The following ELAVL2 variants were observed in gnomAD, a reference collection of about 807,000 sequenced individuals.
ELAVL2 encodes ELAV-like protein 2.
ELAVL2 carries 4 observed loss-of-function variants against 34.6 expected under a neutral mutation model. The ratio of observed to expected loss-of-function variants is 0.12; its 90% confidence interval spans 0.06 to 0.26. The LOEUF (loss-of-function observed/expected upper bound fraction) is 0.26, where lower values mean the gene tolerates loss of function less well. Among genes scored for constraint, ELAVL2 ranks in the 10% least tolerant of loss-of-function variants. ELAVL2 has a pLI of 1.00. For missense variants in ELAVL2, 432 were observed against 442.8 expected, an observed-to-expected ratio of 0.98 and a Z score of 0.22; for synonymous variants, 193 against 154.8, an observed-to-expected ratio of 1.25 and a Z score of -1.83.
At chr9:23,813,938 A>T (rs55774307) in intron 1 of ELAVL2, among the ~76,000 whole-genome samples, 21,205 of 152,184 alleles carry the variant, frequency 0.14, 1,868 homozygotes, top group Middle Eastern at 0.19. Context: ...CACCAAGGCC[A>T]GGCAAACAAA....
chr9:23,717,716 T>C (rs779287950), intron 3 of ELAVL2, among the ~76,000 whole-genome samples: 111 of 152,324 alleles, frequency 7.3e-4, no homozygotes, highest in African/African-American at 2.4e-3. Context: ...TTACTCATCA[T>C]ATATCCAAAT....
chr9:23,783,261 C>T (rs1016790323), intron 1 of ELAVL2, among the ~76,000 whole-genome samples: 5 of 152,106 alleles, frequency 3.3e-5, no homozygotes, highest in African/African-American at 1.2e-4. Flanking sequence ...TTAAAAACAG[C>T]CAAAGAGAAA....
At chr9:23,805,957 G>A (rs2062163549) in intron 1 of ELAVL2, among the ~76,000 whole-genome samples, 1 of 152,112 alleles carries the variant, frequency 6.6e-6, no homozygotes, top group African/African-American at 2.4e-5. Flanking sequence ...AAGCATCATT[G>A]TATATTTTTT....
chr9:23,811,125 C>T (rs1357427187), intron 1 of ELAVL2, among the ~76,000 whole-genome samples: 1 of 152,112 alleles, frequency 6.6e-6, no homozygotes, highest in African/African-American at 2.4e-5. Context: ...AACTATTATT[C>T]ACTCTAAAAC....
intron 1 of ELAVL2, among the ~76,000 whole-genome samples, chr9:23,806,969 C>T (rs1464577084): frequency 6.6e-6 from 1 of 152,210 alleles, no homozygotes; most frequent in East Asian, 1.9e-4. Context: ...TCAGTAGCTT[C>T]CTTCTGCACC....
At chr9:23,697,460 G>A (rs2132926035) in intron 5 of ELAVL2, among the ~76,000 whole-genome samples, 1 of 152,272 alleles carries the variant, frequency 6.6e-6, no homozygotes, top group East Asian at 1.9e-4. Context: ...TAATTAGCAA[G>A]ACATTTAATA....
chr9:23,844,645 A>G, the ELAVL2 span, among the ~76,000 whole-genome samples: 132 of 152,046 alleles, frequency 8.7e-4, no homozygotes, highest in Middle Eastern at 0.01. Context: ...AACACCTAAA[A>G]AGCTGAGTTC....
intron 2 of ELAVL2, among the ~76,000 whole-genome samples, chr9:23,736,724 A>G (rs1294441919): frequency 6.6e-6 from 1 of 152,130 alleles, no homozygotes; most frequent in Non-Finnish European, 1.5e-5. Context: ...CTGCTACACT[A>G]TCCTAATAGG....
intron 1 of ELAVL2, among the ~76,000 whole-genome samples, chr9:23,820,317 G>A (rs979379896): frequency 6.6e-6 from 1 of 152,122 alleles, no homozygotes; most frequent in African/African-American, 2.4e-5. Flanking sequence ...TTAGGAATAG[G>A]GCCACTAGAA....
At chr9:23,816,609 A>AT (rs11371481) in intron 1 of ELAVL2, among the ~76,000 whole-genome samples, 5,251 of 152,154 alleles carry the variant, frequency 0.035, 269 homozygotes, top group Admixed American at 0.13. Flanking sequence ...CAAACTTACG[A>AT]TTTTTCAACT....
intron 1 of ELAVL2, among the ~76,000 whole-genome samples, chr9:23,823,612 C>T (rs977270073): frequency 1.3e-5 from 2 of 152,224 alleles, no homozygotes; most frequent in East Asian, 3.9e-4. Flanking sequence ...AACCCCATAA[C>T]AACTTCGAAA....
intron 2 of ELAVL2, among the ~76,000 whole-genome samples, chr9:23,744,087 T>C (rs1312302770): frequency 6.6e-6 from 1 of 152,142 alleles, no homozygotes; most frequent in African/African-American, 2.4e-5. Context: ...AGGTTAGGAG[T>C]TTAAGGCCTC....
At chr9:23,782,750 C>T (rs2059230437) in intron 1 of ELAVL2, among the ~76,000 whole-genome samples, 1 of 152,154 alleles carries the variant, frequency 6.6e-6, no homozygotes, top group Non-Finnish European at 1.5e-5. Context: ...GTATATTCTG[C>T]CAATGAGGCG....
intron 1 of ELAVL2, chr9:23,765,029 C>A (rs2055915143): frequency 2.5e-6 from 4 of 1,609,312 alleles, no homozygotes; most frequent in Non-Finnish European, 3.4e-6. Context: ...GGCTCTGCTG[C>A]CCACGAACCA....
In ELAVL2 at chr9:23,771,121, C is replaced by G. The variant is rs146976015; in HGVS notation, c.-15-8872G>C. On this transcript the variant is annotated intron_variant, in intron 1 of 6. Transcript: ENST00000397312. Reference sequence around the variant, plus strand: ...TCAGTGAGTTTGGAAACAGACCAGTCAAGAAGCAACTGCAGCAATTCAGGT... The same window carrying G: ...TCAGTGAGTTTGGAAACAGACCAGTGAAGAAGCAACTGCAGCAATTCAGGT... 2.1e-3 allele frequency among the ~76,000 whole-genome samples: 322 copies of G among 152,316 alleles called. 2 individuals carry two copies. The highest frequency in any genetic ancestry group is 7.1e-3 in the African/African-American group (294 of 41,576).
At chr9:23,798,846 A>T (rs1190444797) in intron 1 of ELAVL2, among the ~76,000 whole-genome samples, 1 of 152,004 alleles carries the variant, frequency 6.6e-6, no homozygotes, top group East Asian at 1.9e-4. Flanking sequence ...ATCTTAAAAA[A>T]CTGCTTCAGG....
At chr9:23,844,425 T>C in the ELAVL2 span, among the ~76,000 whole-genome samples, 1 of 152,012 alleles carries the variant, frequency 6.6e-6, no homozygotes, top group East Asian at 1.9e-4. Context: ...GAATCAAACA[T>C]ATATTAATAT....
intron 1 of ELAVL2, among the ~76,000 whole-genome samples, chr9:23,766,204 A>T (rs2056225169): frequency 6.6e-6 from 1 of 152,176 alleles, no homozygotes; most frequent in South Asian, 2.1e-4. Flanking sequence ...ATCAAAAAGG[A>T]TTAACATACT....
chr9:23,832,553 A>T, the ELAVL2 span, among the ~76,000 whole-genome samples: 1 of 152,146 alleles, frequency 6.6e-6, no homozygotes, highest in Non-Finnish European at 1.5e-5. Context: ...TTAGTGTTGT[A>T]CCTTGTTCTT....
Sources: gnomAD v4.1 joint callset for allele counts (sites outside exome capture counted in the v4.1 genomes callset) on GRCh38, gnomAD v4.1.1 for gene constraint, MANE v1.5 for transcripts, NCBI Gene and HGNC (gene_info 2026-07-23, HGNC 2026-07-21) for gene names.